Variants in RORA observed in about 807,000 individuals in gnomAD.
RORA encodes RAR related orphan receptor A.
RORA carries 7 observed loss-of-function variants against 69.5 expected under a neutral mutation model. The observed-to-expected ratio is 0.10, with a 90% CI of 0.06 to 0.19. The LOEUF (loss-of-function observed/expected upper bound fraction) is 0.19, where lower values mean the gene tolerates loss of function less well. Ranked by LOEUF, RORA falls within the 10% of genes least tolerant of loss-of-function variation. The pLI is 1.00. For missense variants in RORA, 457 were observed against 663.0 expected, an observed-to-expected ratio of 0.69 and a Z score of 3.41; for synonymous variants, 261 against 240.8, an observed-to-expected ratio of 1.08 and a Z score of -0.78.
chr15:60,940,675 C>T lies in RORA; in HGVS notation c.167-261989G>A, dbSNP rs1171972131. Among the ~76,000 whole-genome samples, 3 of 152,186 alleles carry T rather than the reference C, an allele frequency of 2.0e-5. No homozygotes were observed. The South Asian group carries it at 6.2e-4, about 31-fold the overall frequency. On this transcript the variant is annotated intron_variant, in intron 1 of 10. Transcript: ENST00000335670. ...AATAATATTGTAGTCAGCCTGTAAT[C>T]CCAGCAGTTTGGGAGTCCGAGGCAG...
intron 1 of RORA, among the ~76,000 whole-genome samples, chr15:60,773,130 C>T (rs16943090): frequency 5.8e-3 from 876 of 152,214 alleles, no homozygotes; most frequent in African/African-American, 0.017. Flanking sequence ...CTCATTTGCA[C>T]CTGAAGGTTG....
intron 1 of RORA, among the ~76,000 whole-genome samples, chr15:60,899,702 C>A (rs144366298): frequency 6.6e-6 from 1 of 152,350 alleles, no homozygotes; most frequent in East Asian, 1.9e-4. Context: ...AACAACTCCC[C>A]GCACTTCAAA....
chr15:60,802,258 T>A (rs2140358700), intron 1 of RORA, among the ~76,000 whole-genome samples: 1 of 152,348 alleles, frequency 6.6e-6, no homozygotes. Context: ...TCTGCGTATG[T>A]GAATAGCAAT....
intron 1 of RORA, among the ~76,000 whole-genome samples, chr15:61,168,776 T>G (rs2079560421): frequency 6.6e-6 from 1 of 152,058 alleles, no homozygotes; most frequent in Admixed American, 6.5e-5. Context: ...ACACCGAGAT[T>G]CAGTCCTAGT....
At chr15:61,094,708 G>C (rs1233778987) in intron 1 of RORA, among the ~76,000 whole-genome samples, 2 of 152,178 alleles carry the variant, frequency 1.3e-5, no homozygotes, top group Non-Finnish European at 2.9e-5. Context: ...GCCACTACTG[G>C]GTATCCAGGG....
chr15:60,801,490 G>GT (rs1222625261), intron 1 of RORA, among the ~76,000 whole-genome samples: 1 of 152,242 alleles, frequency 6.6e-6, no homozygotes, highest in Non-Finnish European at 1.5e-5. Context: ...GAGAATGAGC[G>GT]TTTTTTTCCT....
At chr15:60,688,634 C>T (rs1230174823) in intron 1 of RORA, among the ~76,000 whole-genome samples, 1 of 152,176 alleles carries the variant, frequency 6.6e-6, no homozygotes, top group Non-Finnish European at 1.5e-5. Context: ...TAGCTGGCTA[C>T]TTTCAGGAGT....
At chr15:60,614,930 C>T in intron 2 of RORA, 1 of 1,613,996 alleles carries the variant, frequency 6.2e-7, no homozygotes, top group Non-Finnish European at 8.5e-7. Flanking sequence ...GAGAAGAACT[C>T]CCTTAAATTA....
intron 2 of RORA, among the ~76,000 whole-genome samples, chr15:60,565,293 G>A (rs936353415): frequency 6.6e-6 from 1 of 152,110 alleles, no homozygotes; most frequent in African/African-American, 2.4e-5. Flanking sequence ...AGAAGCTCAA[G>A]TACCATTGCT....
In RORA at chr15:60,492,445, A is replaced by G. The variant is rs1227146855; in HGVS notation, c.*5010T>C. 1 of 152,180 alleles carries G rather than the reference A, an allele frequency of 6.6e-6. No homozygotes were observed. The allele number at this position is 152,180 out of a possible 1,614,324, so 9.4% of individuals were successfully genotyped here. On this transcript the variant is annotated 3_prime_UTR_variant, in exon 11 of 11. Coordinates refer to ENST00000335670, the MANE Select transcript of RORA (RefSeq NM_134261.3). The stretch of plus-strand genomic sequence containing the variant: ...CATGTAGAAGTAAGAATTGTTTTCC[A>G]TGAAGGAATTTTTGGTTTGCTTCTA...
chr15:60,941,356 T>G (rs1892691102), intron 1 of RORA, among the ~76,000 whole-genome samples: 1 of 152,270 alleles, frequency 6.6e-6, no homozygotes, highest in Non-Finnish European at 1.5e-5. Flanking sequence ...TGTGCCAGTC[T>G]TTGCTCAACT....
chr15:61,002,578 C>T (rs945658157), intron 1 of RORA, among the ~76,000 whole-genome samples: 7 of 152,218 alleles, frequency 4.6e-5, no homozygotes, highest in African/African-American at 7.2e-5. Context: ...AATATGTTAG[C>T]GTCTCCAAAT....
At chr15:60,882,340 G>T (rs557863142) in intron 1 of RORA, among the ~76,000 whole-genome samples, 2 of 152,278 alleles carry the variant, frequency 1.3e-5, no homozygotes, top group Non-Finnish European at 2.9e-5. Context: ...AATGGGCAGA[G>T]GTCAGGGATG....
chr15:60,964,302 C>T (rs373736584), intron 1 of RORA, among the ~76,000 whole-genome samples: 1 of 152,172 alleles, frequency 6.6e-6, no homozygotes, highest in Non-Finnish European at 1.5e-5. Flanking sequence ...GAAGAGGATA[C>T]CCCTGGGTAG....
At chr15:61,146,280 T>C (rs1431916020) in intron 1 of RORA, among the ~76,000 whole-genome samples, 2 of 152,148 alleles carry the variant, frequency 1.3e-5, no homozygotes, top group Admixed American at 1.3e-4. Context: ...AATTGCTGTT[T>C]CTCACTGCCG....
At chr15:61,094,117 G>T (rs1290068271) in intron 1 of RORA, among the ~76,000 whole-genome samples, 1 of 152,166 alleles carries the variant, frequency 6.6e-6, no homozygotes, top group Non-Finnish European at 1.5e-5. Flanking sequence ...TCATTAGAAA[G>T]ACTTAGCCTT....
rs947249125 is a variant in RORA, at chr15:61,128,558, G to A, written c.166+100495C>T. Among the ~76,000 whole-genome samples, 9 of 152,248 alleles carry A rather than the reference G, an allele frequency of 5.9e-5. No individual in the cohort carries two copies. The highest frequency in any genetic ancestry group is 2.6e-4 in the Admixed American group (4 of 15,284). On this transcript the variant is annotated intron_variant, in intron 1 of 10. Transcript: ENST00000335670. This position sits in a 1 kb window ranked among gnomAD's most constrained non-coding sequence, Gnocchi z 4.5. ...ATTACGTTAGATAACTCAGGGATAC[G>A]GGGAGAGAGAAATCCTGGGGTGTGC...
At chr15:60,826,740 G>GCTCTCTCT (rs72326847) in intron 1 of RORA, among the ~76,000 whole-genome samples, 21 of 120,854 alleles carry the variant, frequency 1.7e-4, no homozygotes, top group African/African-American at 6.9e-4. Flanking sequence ...TATTCTACCT[G>GCTCTCTCT]CTCTCTCTCT....
chr15:60,508,917 AT>A (rs777136838), intron 5 of RORA, among the ~76,000 whole-genome samples: 3 of 152,202 alleles, frequency 2.0e-5, no homozygotes, highest in Non-Finnish European at 4.4e-5. Context: ...CAAGGGCAAA[AT>A]TTCCTAGCCA....
Sources: allele counts gnomAD v4.1 joint callset (sites outside exome capture counted in the v4.1 genomes callset), GRCh38; gene constraint gnomAD v4.1.1; non-coding constraint Gnocchi (gnomAD v3.1); transcripts MANE v1.5; gene names NCBI Gene and HGNC (gene_info 2026-07-23, HGNC 2026-07-21).